The following CMTR1 variants were observed in gnomAD, a reference collection of about 807,000 sequenced individuals.
The protein encoded by CMTR1 is cap methyltransferase 1, also known as cap-specific mRNA (nucleoside-2'-O-)-methyltransferase 1.
CMTR1 carries 39 observed loss-of-function variants against 107.0 expected under a neutral mutation model. The observed-to-expected ratio is 0.36, with a 90% CI of 0.28 to 0.48. The LOEUF (loss-of-function observed/expected upper bound fraction) is 0.48. Among genes scored for constraint, CMTR1 ranks in the 20% least tolerant of loss-of-function variants. The pLI is 0.99. For missense variants in CMTR1, 672 were observed against 1,064.9 expected (o/e 0.63, Z 5.14); for synonymous variants, 366 against 379.5 (o/e 0.96, Z 0.41).
chr6:37,449,078 C>A (rs1252512034), intron 4 of CMTR1, among the ~76,000 whole-genome samples: 1 of 152,096 alleles, frequency 6.6e-6, no homozygotes, highest in Non-Finnish European at 1.5e-5. Flanking sequence ...GTATCTACAA[C>A]TACAGGCCTG....
At chr6:37,476,513 TTTTAA>T (rs1243225108) in intron 20 of CMTR1, among the ~76,000 whole-genome samples, 1 of 152,188 alleles carries the variant, frequency 6.6e-6, no homozygotes, top group East Asian at 1.9e-4. Flanking sequence ...TTACCTGGCC[TTTTAA>T]TTTTTTTTCA....
rs1370228088 is a variant in CMTR1 at position 37,458,667 on chromosome 6, C to T, written c.833C>T (p.Ala278Val). 6.2e-7 allele frequency: 1 copy of T among 1,614,098 alleles called. No individual in the cohort carries two copies. Among genetic ancestry groups the T allele is most frequent in the Non-Finnish European group, 8.5e-7 (1 of 1,180,044 alleles). The change falls in exon 9 of 24, where the codon GCA becomes GTA. Residue 278 changes from alanine to valine, a missense_variant. Physicochemically the swap from Ala to Val is moderately conservative, Grantham distance 64 (BLOSUM62 0). Around this residue, in one of 2 missense-constraint regions of CMTR1, gnomAD observed 583 missense variants for 968.4 expected, o/e 0.60. Transcript: ENST00000373451. The surrounding 1 kb of genome is among the most constrained non-coding windows in gnomAD (Gnocchi z 4.7). ...AELLYFADVC[A>V]GPGGFSEYVL... ...CTTCTGTACTTTGCTGATGTCTGCGCAGGCCCAGGTGGCTTCTCAGAGTAT... is the reference window on the plus strand; with the variant it reads ...CTTCTGTACTTTGCTGATGTCTGCGTAGGCCCAGGTGGCTTCTCAGAGTAT...
chr6:37,451,312 GC>G (rs1761163025), intron 5 of CMTR1, among the ~76,000 whole-genome samples: 1 of 152,100 alleles, frequency 6.6e-6, no homozygotes, highest in East Asian at 1.9e-4. Context: ...TTTAGAGGTG[GC>G]TTCACTCATT....
intron 8 of CMTR1, among the ~76,000 whole-genome samples, chr6:37,456,660 GA>G (rs1398721706): frequency 6.6e-6 from 1 of 152,182 alleles, no homozygotes; most frequent in Non-Finnish European, 1.5e-5. Flanking sequence ...TGTAGAGAGG[GA>G]AGACTGAGGT....
chr6:37,462,490 C>T (rs1266498531), intron 12 of CMTR1, among the ~76,000 whole-genome samples: 2 of 152,226 alleles, frequency 1.3e-5, no homozygotes, highest in East Asian at 1.9e-4. Flanking sequence ...ATCAGAATTG[C>T]CCGGTGGCTT....
At chr6:37,428,645 A>G (rs1359340358), upstream of CMTR1, among the ~76,000 whole-genome samples, 1 of 151,866 alleles carries the variant, frequency 6.6e-6, no homozygotes, top group Non-Finnish European at 1.5e-5. Context: ...TTTAGTAGAG[A>G]CGGCGTTTCA....
intron 2 of CMTR1, among the ~76,000 whole-genome samples, chr6:37,436,566 C>T (rs1003378974): frequency 9.9e-5 from 15 of 152,226 alleles, no homozygotes; most frequent in Non-Finnish European, 1.5e-5. Flanking sequence ...GGAAGACCTT[C>T]CTTACCACTT....
rs188579935 is a variant in CMTR1, at chr6:37,476,469, G to A, written c.2105+275G>A. Among the ~76,000 whole-genome samples, 11 of 152,314 alleles carry A rather than the reference G, an allele frequency of 7.2e-5. No homozygotes were observed. In the East Asian group the frequency reaches 1.9e-3, roughly 27 times the overall value. On this transcript the variant is annotated intron_variant, in intron 20 of 23. Coordinates refer to ENST00000373451, the MANE Select transcript of CMTR1 (RefSeq NM_015050.3). Reference sequence around the variant, plus strand: ...TTCTGAGAGTGCCAGCCCACCTCATGAATACCCGTTCCCACTTGAGCATTG... The same window carrying A: ...TTCTGAGAGTGCCAGCCCACCTCATAAATACCCGTTCCCACTTGAGCATTG...
At chr6:37,451,448 A>T (rs1189831072) in intron 5 of CMTR1, among the ~76,000 whole-genome samples, 1 of 152,104 alleles carries the variant, frequency 6.6e-6, no homozygotes, top group African/African-American at 2.4e-5. Context: ...TGGAAGGACA[A>T]GCTTTTGTCA....
intron 2 of CMTR1, among the ~76,000 whole-genome samples, chr6:37,439,865 A>G (rs1429940597): frequency 1.3e-5 from 2 of 152,148 alleles, no homozygotes; most frequent in African/African-American, 2.4e-5. Context: ...CACACTGGCC[A>G]TGAACTCTTG....
chr6:37,477,815 A>G (rs1016483923), intron 21 of CMTR1, among the ~76,000 whole-genome samples, 176 bp downstream of exon 21: 2 of 152,132 alleles, frequency 1.3e-5, no homozygotes, highest in Non-Finnish European at 2.9e-5. Context: ...AGAGTCCCCC[A>G]GCTGACAGCT....
At chr6:37,469,951 T>A (rs887772802) in intron 13 of CMTR1, among the ~76,000 whole-genome samples, 2 of 152,004 alleles carry the variant, frequency 1.3e-5, no homozygotes, top group Admixed American at 1.3e-4. Flanking sequence ...TCCTCTTTTA[T>A]GTTTCAGTTT....
intron 4 of CMTR1, 30 bp from the exon 5 acceptor site, chr6:37,450,221 C>T (rs1373831982): frequency 6.3e-7 from 1 of 1,583,384 alleles, no homozygotes. Context: ...TGTGTCATAT[C>T]TGTCTTACTA....
the CMTR1 span, among the ~76,000 whole-genome samples, chr6:37,425,564 A>G: frequency 3.3e-5 from 5 of 152,108 alleles, no homozygotes; most frequent in Non-Finnish European, 5.9e-5. Flanking sequence ...TGCTGGGATT[A>G]CAGGCATGAG....
chr6:37,438,942 A>G (rs1367320997), intron 2 of CMTR1, among the ~76,000 whole-genome samples: 2 of 152,188 alleles, frequency 1.3e-5, no homozygotes, highest in African/African-American at 4.8e-5. Flanking sequence ...CCTGAACATA[A>G]TGTTCAGGTA....
intron 16 of CMTR1, among the ~76,000 whole-genome samples, chr6:37,473,016 G>A (rs777877030): frequency 5.9e-5 from 9 of 152,154 alleles, no homozygotes; most frequent in Admixed American, 6.5e-5. Flanking sequence ...ATGGGCAATT[G>A]TGCTGGTTTT....
At chr6:37,479,064 C>G in intron 22 of CMTR1, 83 bp from the exon 23 acceptor site, 1 of 933,700 alleles carries the variant, frequency 1.1e-6, no homozygotes, top group South Asian at 1.4e-5. Context: ...AATAGGACCA[C>G]CGGGAGTGGA....
chr6:37,450,802 T>G (rs759826442), intron 5 of CMTR1, among the ~76,000 whole-genome samples: 1 of 152,260 alleles, frequency 6.6e-6, no homozygotes, highest in Non-Finnish European at 1.5e-5. Flanking sequence ...TCAAAGTGTA[T>G]GTGCTCCCGG....
intron 10 of CMTR1, 133 bp downstream of exon 10, chr6:37,459,817 ATTTTTATTC>A: frequency 1.4e-6 from 1 of 709,152 alleles, no homozygotes; most frequent in Non-Finnish European, 2.5e-6. Flanking sequence ...TAGAGAATGC[ATTTTTATTC>A]TTTTTATACA....
Sources: allele counts gnomAD v4.1 joint callset (sites outside exome capture counted in the v4.1 genomes callset), GRCh38; gene constraint gnomAD v4.1.1; regional missense constraint gnomAD v4.1.1; non-coding constraint Gnocchi (gnomAD v3.1); transcripts MANE v1.5; gene names NCBI Gene and HGNC (gene_info 2026-07-23, HGNC 2026-07-21).